The following PIP5K1C variants were observed in gnomAD, a reference collection of about 807,000 sequenced individuals.
PIP5K1C encodes phosphatidylinositol 4-phosphate 5-kinase type-1 gamma.
A neutral mutation model predicts 80.1 loss-of-function variants in PIP5K1C; 45 were observed. The observed-to-expected ratio is 0.56, with a 90% CI of 0.44 to 0.72. PIP5K1C has a LOEUF of 0.72. Among genes scored for constraint, PIP5K1C ranks in the 30% least tolerant of loss-of-function variants. The pLI, the probability that PIP5K1C is intolerant of heterozygous loss-of-function variation, is 0.00. For synonymous variants in PIP5K1C, 498 were observed against 420.1 expected (o/e 1.19, Z -2.27); for missense variants, 753 against 954.6 (o/e 0.79, Z 2.78).
chr19:3,674,472 C>G (rs1439719981), intron 1 of PIP5K1C, among the ~76,000 whole-genome samples: 4 of 151,644 alleles, frequency 2.6e-5, no homozygotes, highest in Non-Finnish European at 5.9e-5. Flanking sequence ...CCTGCCTCAG[C>G]CTCCCCCGAG....
At chr19:3,672,356 G>T (rs1038658285) in intron 1 of PIP5K1C, among the ~76,000 whole-genome samples, 2 of 152,204 alleles carry the variant, frequency 1.3e-5, no homozygotes, top group Admixed American at 1.3e-4. Flanking sequence ...CACTGACACC[G>T]CCCCATCCTG....
chr19:3,669,164 G>C (rs929388560), intron 1 of PIP5K1C, among the ~76,000 whole-genome samples: 6 of 152,342 alleles, frequency 3.9e-5, no homozygotes, highest in Non-Finnish European at 8.8e-5. Context: ...GCAGCTGGGG[G>C]TGCTGGGGCA....
intron 8 of PIP5K1C, chr19:3,649,895 T>G (rs2073315372): frequency 3.5e-6 from 1 of 286,576 alleles, no homozygotes; most frequent in African/African-American, 2.3e-5. Context: ...GCGCGGTTAG[T>G]GAGGCCACAC....
chr19:3,654,311 A>C (rs2034547600), intron 6 of PIP5K1C, among the ~76,000 whole-genome samples: 1 of 152,194 alleles, frequency 6.6e-6, no homozygotes, highest in South Asian at 2.1e-4. Flanking sequence ...CAAGTGAAGC[A>C]ACAGCGCCCC....
At chr19:3,634,701 AG>A (rs1296589521) in intron 16 of PIP5K1C, among the ~76,000 whole-genome samples, 1 of 152,188 alleles carries the variant, frequency 6.6e-6, no homozygotes, top group African/African-American at 2.4e-5. Context: ...GCTCCAGGTG[AG>A]CCCAGACCTC....
chr19:3,651,023 T>A (rs1201188543), intron 8 of PIP5K1C, among the ~76,000 whole-genome samples: 1 of 149,344 alleles, frequency 6.7e-6, no homozygotes, highest in Non-Finnish European at 1.5e-5. Context: ...CCCAAAGTGC[T>A]GGGATTACAG....
chr19:3,699,409 TCGCC>T (rs751174060), intron 1 of PIP5K1C, among the ~76,000 whole-genome samples: 2 of 152,116 alleles, frequency 1.3e-5, no homozygotes, highest in South Asian at 4.1e-4. Context: ...GCAGCACGCA[TCGCC>T]CGCCCGCCCG....
chr19:3,632,199 T>G lies in PIP5K1C; in HGVS notation c.*968A>C, dbSNP rs950576836. ...CCACACCAGTCCTGAAGGAGACTCC[T>G]GTGGAGCCGGGCCTGGCCCCCTAGG... On this transcript the variant is annotated 3_prime_UTR_variant, in exon 18 of 18. Transcript: ENST00000335312. 1 of 152,310 alleles carries G rather than the reference T, an allele frequency of 6.6e-6. No homozygotes were observed. Among genetic ancestry groups the G allele is most frequent in the Admixed American group, 6.5e-5 (1 of 15,290 alleles). 9.4% of individuals were successfully genotyped at this position (152,310 alleles called of 1,614,324 possible). A position where few individuals can be genotyped will look rare whatever the true frequency, so the allele number is the denominator to read the frequency against.
intron 1 of PIP5K1C, among the ~76,000 whole-genome samples, chr19:3,695,563 A>C (rs1299263229): frequency 6.6e-6 from 1 of 152,132 alleles, no homozygotes; most frequent in Non-Finnish European, 1.5e-5. Context: ...CCGGCCCCCG[A>C]GGCCTCTCCA....
At chr19:3,655,651 AGACT>A (rs925786722) in intron 6 of PIP5K1C, among the ~76,000 whole-genome samples, 146 of 152,324 alleles carry the variant, frequency 9.6e-4, no homozygotes, top group African/African-American at 3.3e-3. Context: ...GGGCCTTTAA[AGACT>A]GAGTTTGCTG....
chr19:3,650,456 C>T (rs957791069), intron 8 of PIP5K1C, among the ~76,000 whole-genome samples: 2 of 152,258 alleles, frequency 1.3e-5, no homozygotes, highest in Admixed American at 6.5e-5. Context: ...GCATCCGGGG[C>T]CATGTCTGGG....
chr19:3,690,846 G>A (rs781396471), intron 1 of PIP5K1C, among the ~76,000 whole-genome samples: 49 of 152,302 alleles, frequency 3.2e-4, no homozygotes, highest in Admixed American at 1.0e-3. Context: ...TCAACCTGAC[G>A]TGTGTGCTTA....
intron 10 of PIP5K1C, 121 bp downstream of exon 10, chr19:3,647,217 G>A: frequency 2.4e-6 from 2 of 823,978 alleles, no homozygotes; most frequent in Non-Finnish European, 3.9e-6. Context: ...GGAGGGATGG[G>A]AGGAGGGATG....
chr19:3,691,527 C>T (rs2035949470), intron 1 of PIP5K1C, among the ~76,000 whole-genome samples: 1 of 151,960 alleles, frequency 6.6e-6, no homozygotes. Context: ...AGGGACCACC[C>T]CAACAGCCAA....
intron 8 of PIP5K1C, among the ~76,000 whole-genome samples, chr19:3,650,913 C>T (rs531156777): frequency 8.5e-5 from 13 of 152,284 alleles, no homozygotes; most frequent in African/African-American, 2.6e-4. Flanking sequence ...TGCACCACCA[C>T]GCCCAGCTAA....
In PIP5K1C at chr19:3,656,616, G is replaced by A. The variant is rs1006440462; in HGVS notation, c.469-59C>T. 21 of 1,593,358 alleles carry A rather than the reference G, an allele frequency of 1.3e-5. No individual in the cohort carries two copies. The East Asian group carries it at 4.7e-4, about 36-fold the overall frequency. ...AGCTGCCGGACACACAGACAGCACT[G>A]GCTTCCGGTCTGCCCAACAGCCCCA... On this transcript the variant is annotated intron_variant, in intron 5 of 17. Coordinates refer to ENST00000335312, the MANE Select transcript of PIP5K1C (RefSeq NM_012398.3).
At chr19:3,656,250 G>A (rs1490203437) in intron 6 of PIP5K1C, among the ~76,000 whole-genome samples, 155 bp downstream of exon 6, 4 of 152,164 alleles carry the variant, frequency 2.6e-5, no homozygotes, top group East Asian at 1.9e-4. Context: ...GAAGCCTGAC[G>A]GGGGACCCCC....
At chr19:3,651,061 T>TTG (rs1555719934) in intron 8 of PIP5K1C, among the ~76,000 whole-genome samples, 1 of 150,036 alleles carries the variant, frequency 6.7e-6, no homozygotes, top group African/African-American at 2.5e-5. Context: ...CAGCGTTTTT[T>TTG]TTTTTTTTTT....
chr19:3,661,049 G>A lies in PIP5K1C; in HGVS notation c.385C>T (p.Gln129Ter). Residue 129 changes from glutamine (Q) to a stop codon, truncating the protein, a stop_gained, in exon 5 of 18, where the codon CAG becomes TAG. Coordinates refer to ENST00000335312, the MANE Select transcript of PIP5K1C (RefSeq NM_012398.3). LOFTEE classifies it high-confidence loss of function. Reference sequence around the variant, plus strand: ...GCATAGGTCTTGAAGCGGAAGTCCTGGAAGTGGTGGGCGGGGGTGAGGTTG... The same window carrying A: ...GCATAGGTCTTGAAGCGGAAGTCCTAGAAGTGGTGGGCGGGGGTGAGGTTG... The part of the protein sequence containing the change: ...GSNLTPAHHF[Q>*]DFRFKTYAPV... The A allele has an allele frequency of 6.2e-7, 1 of 1,614,094 alleles. No individual in the cohort carries two copies. Among genetic ancestry groups the A allele is most frequent in the Non-Finnish European group, 8.5e-7 (1 of 1,179,966 alleles).
Sources: allele counts gnomAD v4.1 joint callset (sites outside exome capture counted in the v4.1 genomes callset), GRCh38; gene constraint gnomAD v4.1.1; transcripts MANE v1.5; gene names NCBI Gene and HGNC (gene_info 2026-07-23, HGNC 2026-07-21).